The following AUTS2 variants were observed in gnomAD, a reference collection of about 807,000 sequenced individuals.
AUTS2 encodes autism susceptibility gene 2 protein.
A neutral mutation model predicts 112.4 loss-of-function variants in AUTS2; 17 were observed. The observed-to-expected ratio is 0.15, with a 90% CI of 0.10 to 0.23. The LOEUF (loss-of-function observed/expected upper bound fraction) is 0.23, where lower values mean the gene tolerates loss of function less well. Among genes scored for constraint, AUTS2 ranks in the 10% least tolerant of loss-of-function variants. The pLI, the probability that AUTS2 is intolerant of heterozygous loss-of-function variation, is 1.00. For missense variants in AUTS2, 1,510 were observed against 1,701.6 expected (o/e 0.89, Z 1.98); for synonymous variants, 751 against 702.7 (o/e 1.07, Z -1.09).
intron 1 of AUTS2, among the ~76,000 whole-genome samples, chr7:69,664,555 A>C (rs1192390502): frequency 6.6e-6 from 1 of 152,228 alleles, no homozygotes; most frequent in Non-Finnish European, 1.5e-5. Flanking sequence ...TAACCATGGC[A>C]ATATTGCTGT....
intron 5 of AUTS2, among the ~76,000 whole-genome samples, chr7:70,653,233 C>A (rs1236445394): frequency 1.3e-5 from 2 of 151,834 alleles, no homozygotes; most frequent in Non-Finnish European, 2.9e-5. Context: ...TAGAGTGAGA[C>A]CTTGTCTCAA....
At position 69,991,603 on chromosome 7, in the gene AUTS2, A is replaced by C. The variant is rs186746376; in HGVS notation, c.522+92105A>C. On this transcript the variant is annotated intron_variant, in intron 2 of 18. Transcript: ENST00000342771. ...GGAACAATTATATGTTGTTTACCAC[A>C]TGACAAGAGAAGAAATAAACGTTAG... Among the ~76,000 whole-genome samples, 644 of 152,352 alleles carry C rather than the reference A, an allele frequency of 4.2e-3. 8 individuals carry two copies. The highest frequency in any genetic ancestry group is 0.015 in the African/African-American group (605 of 41,592).
chr7:70,017,342 C>T (rs1800074619), intron 2 of AUTS2, among the ~76,000 whole-genome samples: 1 of 152,150 alleles, frequency 6.6e-6, no homozygotes, highest in African/African-American at 2.4e-5. Flanking sequence ...TGATCAGAAC[C>T]AAGTTTAGCT....
chr7:69,760,960 A>T (rs1788161821), intron 1 of AUTS2, among the ~76,000 whole-genome samples: 1 of 152,208 alleles, frequency 6.6e-6, no homozygotes, highest in Non-Finnish European at 1.5e-5. Context: ...AATATATAAG[A>T]CACTTACCAG....
chr7:70,780,798 A>G (rs908400751), intron 14 of AUTS2, among the ~76,000 whole-genome samples: 11 of 152,192 alleles, frequency 7.2e-5, no homozygotes, highest in African/African-American at 2.7e-4. Context: ...ATCATTTGAA[A>G]GTTAGCTTAT....
intron 1 of AUTS2, among the ~76,000 whole-genome samples, chr7:69,819,508 G>C (rs1457124100): frequency 6.6e-6 from 1 of 152,218 alleles, no homozygotes; most frequent in Admixed American, 6.5e-5. Context: ...GAAGGAAACA[G>C]TTGGATTCCT....
Position 70,555,546 on chromosome 7 carries a change from T to A in AUTS2, c.690+119765T>A, listed in dbSNP as rs1251096327. 2.0e-5 allele frequency among the ~76,000 whole-genome samples: 3 copies of A among 152,290 alleles called. No individual in the cohort carries two copies. The South Asian group carries it at 6.2e-4, about 32-fold the overall frequency. On this transcript the variant is annotated intron_variant, in intron 5 of 18. Coordinates refer to ENST00000342771, the MANE Select transcript of AUTS2 (RefSeq NM_015570.4). ...CTCATATTCTTGGACCCTGGCACAG[T>A]GTCCTGTCTGGAGCTGAGAGTTTGC...
chr7:70,559,369 C>G (rs1025592420), intron 5 of AUTS2, among the ~76,000 whole-genome samples: 1 of 150,652 alleles, frequency 6.6e-6, no homozygotes, highest in Non-Finnish European at 1.5e-5. Flanking sequence ...GAGTCTTGCT[C>G]TGTCACCCAG....
At chr7:70,720,716 G>A (rs745418030) in intron 6 of AUTS2, among the ~76,000 whole-genome samples, 15 of 152,250 alleles carry the variant, frequency 9.9e-5, no homozygotes, top group Non-Finnish European at 1.9e-4. Flanking sequence ...CAGGACTTTA[G>A]TAGCTGAGGA....
chr7:70,693,892 A>T (rs1246805845), intron 5 of AUTS2, among the ~76,000 whole-genome samples: 3 of 151,942 alleles, frequency 2.0e-5, no homozygotes, highest in Non-Finnish European at 4.4e-5. Flanking sequence ...GGGGAGCAAC[A>T]GCTGTCGATG....
intron 1 of AUTS2, among the ~76,000 whole-genome samples, chr7:69,754,289 G>A (rs1469243000): frequency 6.6e-6 from 1 of 152,192 alleles, no homozygotes; most frequent in Non-Finnish European, 1.5e-5. Context: ...GTTTTGATGA[G>A]CATAGAGTAT....
intron 5 of AUTS2, among the ~76,000 whole-genome samples, chr7:70,695,474 G>T (rs191702244): frequency 1.4e-4 from 22 of 152,364 alleles, no homozygotes; most frequent in South Asian, 2.1e-4. Flanking sequence ...GGCGAAAGGA[G>T]ATCTGGGCTC....
chr7:69,880,422 G>A (rs188303365), intron 1 of AUTS2, among the ~76,000 whole-genome samples: 38 of 152,218 alleles, frequency 2.5e-4, no homozygotes, highest in African/African-American at 8.4e-4. Context: ...ATGTGATTTT[G>A]GCAGGTGATA....
chr7:69,805,866 G>A (rs977466530), intron 1 of AUTS2, among the ~76,000 whole-genome samples: 3 of 151,978 alleles, frequency 2.0e-5, no homozygotes, highest in African/African-American at 7.3e-5. Context: ...CTCACACCAA[G>A]GTCCCTTTTT....
intron 1 of AUTS2, among the ~76,000 whole-genome samples, chr7:69,876,506 A>G (rs1293531508): frequency 0.075 from 1,286 of 17,222 alleles, 135 homozygotes; most frequent in African/African-American, 0.25. Flanking sequence ...ATATATATAT[A>G]TATATATATA....
intron 1 of AUTS2, among the ~76,000 whole-genome samples, chr7:69,798,359 C>T (rs1789939690): frequency 1.3e-5 from 2 of 152,138 alleles, no homozygotes; most frequent in Non-Finnish European, 2.9e-5. Context: ...ATTTGCCTTT[C>T]CCTTCAGTGC....
intron 1 of AUTS2, among the ~76,000 whole-genome samples, chr7:69,743,482 A>C (rs1424412281): frequency 2.0e-5 from 3 of 152,202 alleles, no homozygotes; most frequent in African/African-American, 7.2e-5. Context: ...TAGATGGGAC[A>C]TGTATTTTTT....
chr7:69,701,208 T>G (rs1373250773), intron 1 of AUTS2, among the ~76,000 whole-genome samples: 8 of 152,342 alleles, frequency 5.3e-5, no homozygotes, highest in African/African-American at 1.7e-4. Context: ...GGTACAGGCC[T>G]AGAACATTGT....
chr7:70,496,257 C>T (rs1195663228), intron 5 of AUTS2, among the ~76,000 whole-genome samples: 2 of 143,892 alleles, frequency 1.4e-5, no homozygotes, highest in Admixed American at 6.9e-5. Flanking sequence ...ACACACACCC[C>T]ACACATGCAC....
Sources: allele counts gnomAD v4.1 joint callset (sites outside exome capture counted in the v4.1 genomes callset), GRCh38; gene constraint gnomAD v4.1.1; transcripts MANE v1.5; gene names NCBI Gene and HGNC (gene_info 2026-07-23, HGNC 2026-07-21).